Variants in HMGA2 observed in about 807,000 individuals in gnomAD.
HMGA2 encodes high mobility group protein HMGI-C.
In HMGA2, 8 loss-of-function variants were observed where a neutral mutation model predicts 19.1. The ratio of observed to expected loss-of-function variants is 0.42; its 90% CI spans 0.25 to 0.76. The LOEUF (loss-of-function observed/expected upper bound fraction) is 0.76. Among genes scored for constraint, HMGA2 ranks in the 30% least tolerant of loss-of-function variants. The probability of loss-of-function intolerance (pLI) is 0.28; values close to 1 mark genes in which losing one functional copy is unlikely to be tolerated. For synonymous variants in HMGA2, 60 were observed against 48.8 expected, an observed-to-expected ratio of 1.23 and a Z score of -0.96; for missense variants, 109 against 136.3, an observed-to-expected ratio of 0.80 and a Z score of 1.00.
At chr12:65,930,030 A>G (rs1875652404) in intron 3 of HMGA2, among the ~76,000 whole-genome samples, 1 of 152,198 alleles carries the variant, frequency 6.6e-6, no homozygotes, top group African/African-American at 2.4e-5. Context: ...GAGGACAGAG[A>G]TGATACACTC....
chr12:65,847,440 CTTAA>C (rs1157541431), intron 3 of HMGA2, among the ~76,000 whole-genome samples: 1 of 152,138 alleles, frequency 6.6e-6, no homozygotes, highest in African/African-American at 2.4e-5. Context: ...CTTATAGCAA[CTTAA>C]TTATATACTT....
At chr12:65,926,888 T>C (rs943514726) in intron 3 of HMGA2, among the ~76,000 whole-genome samples, 2 of 152,188 alleles carry the variant, frequency 1.3e-5, no homozygotes, top group African/African-American at 4.8e-5. Flanking sequence ...ACGCTGTTCA[T>C]TCCAGGAAAG....
intron 3 of HMGA2, among the ~76,000 whole-genome samples, chr12:65,903,153 A>G (rs1388923227): frequency 2.0e-5 from 3 of 152,158 alleles, no homozygotes; most frequent in Non-Finnish European, 2.9e-5. Context: ...CAGCTGCTTT[A>G]TATTTCATTG....
intron 2 of HMGA2, among the ~76,000 whole-genome samples, chr12:65,831,300 A>G (rs193058937): frequency 0.013 from 1,934 of 151,916 alleles, 17 homozygotes; most frequent in Non-Finnish European, 0.022. Flanking sequence ...TACTTTTTTA[A>G]TCATGACAGA....
intron 3 of HMGA2, among the ~76,000 whole-genome samples, chr12:65,924,976 G>A (rs1359386288): frequency 2.0e-5 from 3 of 152,208 alleles, no homozygotes; most frequent in African/African-American, 7.2e-5. Flanking sequence ...CATATGTTCT[G>A]AGGTAAAATT....
chr12:65,864,631 A>G (rs763065163), intron 3 of HMGA2, among the ~76,000 whole-genome samples: 4 of 152,194 alleles, frequency 2.6e-5, no homozygotes, highest in African/African-American at 9.7e-5. Flanking sequence ...ATTCATTAAC[A>G]TTACTATTGT....
chr12:65,854,937 G>A (rs1019749185), intron 3 of HMGA2, among the ~76,000 whole-genome samples: 10 of 152,172 alleles, frequency 6.6e-5, no homozygotes, highest in African/African-American at 1.7e-4. Flanking sequence ...GCTGGCCCTG[G>A]CAAAATCATA....
chr12:65,943,198 T>C (rs1343930078), intron 3 of HMGA2, among the ~76,000 whole-genome samples: 1 of 152,254 alleles, frequency 6.6e-6, no homozygotes, highest in African/African-American at 2.4e-5. Context: ...GCCTGTCATA[T>C]AGTTCAAATA....
intron 3 of HMGA2, among the ~76,000 whole-genome samples, chr12:65,864,012 A>C (rs1872251842): frequency 6.6e-6 from 1 of 152,222 alleles, no homozygotes; most frequent in Non-Finnish European, 1.5e-5. Flanking sequence ...GTGGCTCTGC[A>C]ATCTTAGAAG....
intron 3 of HMGA2, among the ~76,000 whole-genome samples, chr12:65,847,948 T>G (rs1032615479): frequency 2.0e-5 from 3 of 152,232 alleles, no homozygotes; most frequent in Non-Finnish European, 4.4e-5. Flanking sequence ...AACTAATGAT[T>G]TGTATTTCCA....
intron 3 of HMGA2, among the ~76,000 whole-genome samples, chr12:65,879,016 A>G (rs1463573336): frequency 6.6e-6 from 1 of 152,254 alleles, no homozygotes; most frequent in African/African-American, 2.4e-5. Context: ...GAAACTGTGC[A>G]GTTTCTCAAG....
intron 3 of HMGA2, among the ~76,000 whole-genome samples, chr12:65,875,630 T>A (rs1297171762): frequency 8.4e-6 from 1 of 119,140 alleles, no homozygotes; most frequent in South Asian, 2.7e-4. Flanking sequence ...TTTTTTTTTT[T>A]AGTAAAGACA....
In HMGA2 at chr12:65,828,068, C is replaced by G; in HGVS notation, c.179C>G (p.Pro60Arg). Reference protein sequence around the residue: ...GRPKGSKNKSPSKAAQKKAEA... With the variant: ...GRPKGSKNKSRSKAAQKKAEA... ...CCCAAAGGCAGCAAAAACAAGAGTC[C>G]CTCTAAAGCAGCTCAAAAGGTGAGA... The change falls in exon 2 of 5, where the codon CCC (proline) becomes CGC (arginine). Residue 60 changes from proline to arginine, a missense_variant. By Grantham distance (103) the Pro-to-Arg change is moderately radical. Coordinates refer to ENST00000403681, the MANE Select transcript of HMGA2 (RefSeq NM_003483.6). 6.2e-7 allele frequency: 1 copy of G among 1,613,334 alleles called. No homozygotes were observed. The highest frequency in any genetic ancestry group is 8.5e-7 in the Non-Finnish European group (1 of 1,179,384).
At chr12:65,854,708 C>T (rs1418750917) in intron 3 of HMGA2, among the ~76,000 whole-genome samples, 1 of 152,230 alleles carries the variant, frequency 6.6e-6, no homozygotes, top group Non-Finnish European at 1.5e-5. Context: ...ATTAGCTATT[C>T]TTCCTGATGC....
chr12:65,838,645 T>G, intron 3 of HMGA2, 76 bp downstream of exon 3: 1 of 1,048,212 alleles, frequency 9.5e-7, no homozygotes, highest in Non-Finnish European at 1.4e-6. Context: ...AAAGTTTTAT[T>G]TCGTCGATTA....
intron 2 of HMGA2, among the ~76,000 whole-genome samples, chr12:65,833,507 G>A (rs1870565424): frequency 6.6e-6 from 1 of 151,426 alleles, no homozygotes. Flanking sequence ...GAGAGAACTT[G>A]TAATAGCAAA....
At chr12:65,874,871 C>T (rs1872899965) in intron 3 of HMGA2, among the ~76,000 whole-genome samples, 1 of 152,166 alleles carries the variant, frequency 6.6e-6, no homozygotes, top group African/African-American at 2.4e-5. Flanking sequence ...AAAAGAGAGT[C>T]ACATTTTGAG....
intron 2 of HMGA2, among the ~76,000 whole-genome samples, chr12:65,837,771 A>G (rs1407241490): frequency 6.6e-6 from 1 of 152,230 alleles, no homozygotes; most frequent in Non-Finnish European, 1.5e-5. Flanking sequence ...CTCTCAAGAT[A>G]GAAATGTATT....
intron 4 of HMGA2, among the ~76,000 whole-genome samples, chr12:65,959,682 T>C (rs371336602): frequency 3.3e-5 from 5 of 152,192 alleles, no homozygotes; most frequent in Non-Finnish European, 7.4e-5. Context: ...AGTGGCTGTT[T>C]AGCCTTCCCA....
Sources: gnomAD v4.1 joint callset for allele counts (sites outside exome capture counted in the v4.1 genomes callset) on GRCh38, gnomAD v4.1.1 for gene constraint, MANE v1.5 for transcripts, NCBI Gene and HGNC (gene_info 2026-07-23, HGNC 2026-07-21) for gene names.